PVT1: variants seen among roughly 807,000 people sequenced by gnomAD.
PVT1 encodes CXCR4/PVT1 fusion.
At chr8:127,853,532 G>C (rs1815127932) in intron 2 of PVT1, among the ~76,000 whole-genome samples, 1 of 152,146 alleles carries the variant, frequency 6.6e-6, no homozygotes, top group Non-Finnish European at 1.5e-5. Context: ...TGTAATCCCA[G>C]CACTTTGGGA....
chr8:127,986,495 G>A (rs193156170), intron 3 of PVT1, among the ~76,000 whole-genome samples: 44 of 152,332 alleles, frequency 2.9e-4, no homozygotes, highest in African/African-American at 1.0e-3. Flanking sequence ...ACTGTGTCAG[G>A]TGGGAGGATA....
intron 2 of PVT1, among the ~76,000 whole-genome samples, chr8:127,852,573 G>A (rs972430423): frequency 6.6e-6 from 1 of 152,186 alleles, no homozygotes; most frequent in African/African-American, 2.4e-5. Flanking sequence ...TATCTATTTC[G>A]TAGGGTTGGT....
chr8:128,052,756 A>G (rs79333933), intron 4 of PVT1, among the ~76,000 whole-genome samples: 8,672 of 152,324 alleles, frequency 0.057, 286 homozygotes, highest in South Asian at 0.14. Context: ...TTGTCACACT[A>G]TGTGCAGGGC....
Position 128,093,096 on chromosome 8 carries a change from A to G in PVT1, n.1115-3422A>G, listed in dbSNP as rs537184391. Among the ~76,000 whole-genome samples the G allele has an allele frequency of 2.6e-3, 393 of 152,066 alleles. 1 individual carries two copies. Among genetic ancestry groups the G allele is most frequent in the Middle Eastern group, 0.02 (6 of 294 alleles). ...TTTTTTGATCTTTTCATATTTTTTT[A>G]TTTCTATTTTGGTTATTTGCTGCCA... On this transcript the variant is annotated intron_variant and non_coding_transcript_variant, in intron 5 of 10. Coordinates refer to ENST00000651587, the Ensembl canonical transcript of PVT1.
At chr8:127,807,247 A>G (rs1814538233) in intron 2 of PVT1, among the ~76,000 whole-genome samples, 2 of 152,352 alleles carry the variant, frequency 1.3e-5, no homozygotes, top group Non-Finnish European at 2.9e-5. Flanking sequence ...ACTCACTGTC[A>G]TCATCTGGGG....
intron 4 of PVT1, among the ~76,000 whole-genome samples, chr8:128,017,856 CG>C (rs1563666888): frequency 1.3e-5 from 2 of 152,144 alleles, no homozygotes; most frequent in Non-Finnish European, 2.9e-5. Context: ...CTCCTTGTGT[CG>C]GGGGTGATGC....
intron 3 of PVT1, among the ~76,000 whole-genome samples, chr8:127,922,490 A>G (rs1233007848): frequency 1.3e-5 from 2 of 152,100 alleles, no homozygotes; most frequent in African/African-American, 4.8e-5. Flanking sequence ...TCAGTTTTCC[A>G]TGGCTGCAGA....
chr8:128,006,137 AATAATAATAAT>A (rs1817244576), intron 4 of PVT1, among the ~76,000 whole-genome samples: 1 of 141,512 alleles, frequency 7.1e-6, no homozygotes, highest in African/African-American at 2.7e-5. Context: ...TAATAATAAT[AATAATAATAAT>A]AAAAAGATAA....
intron 4 of PVT1, among the ~76,000 whole-genome samples, chr8:128,058,483 A>G (rs1586501764): frequency 6.6e-6 from 1 of 152,064 alleles, no homozygotes; most frequent in East Asian, 1.9e-4. Context: ...ATATACTTTG[A>G]CATCATCATG....
chr8:128,012,771 C>G (rs1320459171), intron 4 of PVT1, among the ~76,000 whole-genome samples: 1 of 152,146 alleles, frequency 6.6e-6, no homozygotes, highest in African/African-American at 2.4e-5. Context: ...CTAGGAGTTC[C>G]TAGTCCTGGC....
intron 2 of PVT1, among the ~76,000 whole-genome samples, chr8:127,830,985 T>C: frequency 6.6e-6 from 1 of 152,074 alleles, no homozygotes. Context: ...AGACAGACTA[T>C]TGTGGGACCT....
At chr8:127,819,521 G>A (rs181337619) in intron 2 of PVT1, among the ~76,000 whole-genome samples, 2 of 152,314 alleles carry the variant, frequency 1.3e-5, no homozygotes, top group Admixed American at 6.5e-5. Context: ...AGCAGGGCAC[G>A]CTGGGATTTG....
At chr8:127,984,457 A>T (rs1367399280) in intron 3 of PVT1, among the ~76,000 whole-genome samples, 1 of 152,208 alleles carries the variant, frequency 6.6e-6, no homozygotes, top group Non-Finnish European at 1.5e-5. Flanking sequence ...TTTGCCTACC[A>T]GGCAACAGGA....
chr8:127,927,963 A>G (rs750839540), intron 3 of PVT1, among the ~76,000 whole-genome samples: 1 of 152,218 alleles, frequency 6.6e-6, no homozygotes, highest in African/African-American at 2.4e-5. Flanking sequence ...GTGGGTGAGA[A>G]GGGCTGTCGT....
At chr8:128,047,705 G>A (rs773755615) in intron 4 of PVT1, among the ~76,000 whole-genome samples, 23 of 152,168 alleles carry the variant, frequency 1.5e-4, no homozygotes, top group Non-Finnish European at 2.9e-5. Context: ...TCATTAGTTA[G>A]TGATTGGTTG....
chr8:127,835,618 CA>C (rs901760039), intron 2 of PVT1, among the ~76,000 whole-genome samples: 8 of 151,956 alleles, frequency 5.3e-5, no homozygotes, highest in Admixed American at 3.3e-4. Context: ...TACAAACAAA[CA>C]AACAAAAAAC....
chr8:128,087,473 T>C (rs1814272827), intron 5 of PVT1, among the ~76,000 whole-genome samples: 1 of 152,184 alleles, frequency 6.6e-6, no homozygotes, highest in South Asian at 2.1e-4. Flanking sequence ...AATGTGTCCC[T>C]CCCCCAGGCT....
intron 2 of PVT1, among the ~76,000 whole-genome samples, chr8:127,814,557 GC>G (rs1168430298): frequency 6.6e-6 from 1 of 152,160 alleles, no homozygotes; most frequent in East Asian, 1.9e-4. Context: ...AATCTCCCTA[GC>G]AAACCCTTTG....
intron 2 of PVT1, among the ~76,000 whole-genome samples, chr8:127,858,210 G>GTGAA (rs1432565300): frequency 6.6e-6 from 1 of 152,060 alleles, no homozygotes; most frequent in Non-Finnish European, 1.5e-5. Context: ...GTCCAACATG[G>GTGAA]TGAAATACAA....
Sources: allele counts gnomAD v4.1 joint callset (sites outside exome capture counted in the v4.1 genomes callset), GRCh38; gene constraint gnomAD v4.1.1; transcripts MANE v1.5; gene names NCBI Gene and HGNC (gene_info 2026-07-23, HGNC 2026-07-21).